COG6: variants seen among roughly 807,000 people sequenced by gnomAD.
The protein encoded by COG6 is component of oligomeric golgi complex 6.
Under a neutral mutation model 88.8 loss-of-function variants are expected in COG6, and 74 were observed. The ratio of observed to expected loss-of-function variants is 0.83; its 90% CI spans 0.69 to 1.01. The LOEUF (loss-of-function observed/expected upper bound fraction) is 1.01, where lower values mean the gene tolerates loss of function less well. Among genes scored for constraint, COG6 ranks in the 50% least tolerant of loss-of-function variants. The pLI is 0.00. For missense variants in COG6, 800 were observed against 797.9 expected (o/e 1.00, Z -0.03); for synonymous variants, 286 against 278.7 (o/e 1.03, Z -0.26).
chr13:39,675,760 C>CA (rs1875931526), intron 4 of COG6, among the ~76,000 whole-genome samples: 2 of 151,810 alleles, frequency 1.3e-5, no homozygotes, highest in South Asian at 4.1e-4. Context: ...AAGATAGATC[C>CA]AAAAAAGCTC....
chr13:39,752,750 C>G, downstream of COG6: 1 of 891,638 alleles, frequency 1.1e-6, no homozygotes, highest in South Asian at 2.7e-5. Context: ...CAGTGAAAGA[C>G]TCACAGGAAA....
At chr13:39,774,667 C>T (rs547341308) in intron 18 of COG6, among the ~76,000 whole-genome samples, 12 of 152,014 alleles carry the variant, frequency 7.9e-5, no homozygotes, top group South Asian at 6.2e-4. Context: ...CTCCACCTCC[C>T]GGGTTCAAGC....
chr13:39,734,730 T>G (rs191638817), intron 18 of COG6, among the ~76,000 whole-genome samples: 4 of 152,308 alleles, frequency 2.6e-5, no homozygotes, highest in Admixed American at 2.6e-4. Flanking sequence ...TTTTGGAGTC[T>G]GTCTCTCTCA....
intron 18 of COG6, among the ~76,000 whole-genome samples, chr13:39,762,486 A>G (rs1881047702): frequency 6.6e-6 from 1 of 151,864 alleles, no homozygotes; most frequent in African/African-American, 2.4e-5. Context: ...ACAACAATCT[A>G]TTGTATATTT....
At chr13:39,709,648 G>T (rs745791730) in intron 13 of COG6, among the ~76,000 whole-genome samples, 1 of 152,176 alleles carries the variant, frequency 6.6e-6, no homozygotes, top group Middle Eastern at 3.4e-3. Context: ...ATTCCATGGT[G>T]TGAGTGTATG....
chr13:39,723,498 T>C (rs1474578342), intron 16 of COG6, 58 bp downstream of exon 16: 5 of 977,960 alleles, frequency 5.1e-6, no homozygotes, highest in African/African-American at 1.6e-5. Context: ...GAGTATGTCT[T>C]CTAGAGCTGC....
intron 13 of COG6, among the ~76,000 whole-genome samples, chr13:39,709,458 C>A (rs1878118152): frequency 7.8e-6 from 1 of 128,054 alleles, no homozygotes; most frequent in Non-Finnish European, 1.6e-5. Context: ...ACCCTCCCAA[C>A]CTGTCTGAGT....
At chr13:39,662,975 T>A (rs913636151) in intron 3 of COG6, among the ~76,000 whole-genome samples, 3 of 151,982 alleles carry the variant, frequency 2.0e-5, no homozygotes, top group Admixed American at 6.6e-5. Flanking sequence ...TTTTCTGAAA[T>A]GCTTTGACTA....
At chr13:39,729,684 C>A (rs1429412166) in intron 18 of COG6, among the ~76,000 whole-genome samples, 1 of 152,132 alleles carries the variant, frequency 6.6e-6, no homozygotes, top group African/African-American at 2.4e-5. Context: ...TTCTGTCTAT[C>A]AGACTGCTGA....
At chr13:39,780,480 A>G (rs1881597626) in intron 18 of COG6, among the ~76,000 whole-genome samples, 1 of 152,228 alleles carries the variant, frequency 6.6e-6, no homozygotes, top group Admixed American at 6.5e-5. Flanking sequence ...TTATTAATAC[A>G]AGAAGTAAAA....
chr13:39,717,860 C>CA (rs1333492868), intron 13 of COG6, among the ~76,000 whole-genome samples: 1 of 151,932 alleles, frequency 6.6e-6, no homozygotes, highest in Non-Finnish European at 1.5e-5. Context: ...CTGTCAAAAA[C>CA]AAAAAACAAA....
rs768040037 is a variant in COG6, at chr13:39,694,679, T to A, written c.1120T>A (p.Leu374Ile). Reference protein sequence around the residue: ...VIVAEPGAVLLYKISNLLKFY... With the variant: ...VIVAEPGAVLIYKISNLLKFY... The stretch of plus-strand genomic sequence containing the variant: ...AGTTGCTGAACCTGGGGCAGTTTTA[T>A]TATATAAAATTTCTAATCTCCTCAA... Residue 374 changes from leucine to isoleucine, a missense_variant, in exon 12 of 19, where the codon TTA (leucine) becomes ATA (isoleucine). By Grantham distance (5) the Leu-to-Ile change is conservative. Coordinates refer to ENST00000455146, the MANE Select transcript of COG6 (RefSeq NM_020751.3). 5.0e-6 allele frequency: 8 copies of A among 1,601,662 alleles called. No homozygotes were observed. The East Asian group carries it at 1.3e-4, about 27-fold the overall frequency.
chr13:39,674,851 C>T (rs1158866057), intron 4 of COG6, among the ~76,000 whole-genome samples: 3 of 152,010 alleles, frequency 2.0e-5, no homozygotes, highest in Non-Finnish European at 4.4e-5. Context: ...AAAAACAGTA[C>T]GTGTAGGATT....
Position 39,682,210 on chromosome 13 carries a change from C to T in COG6, c.734C>T (p.Ser245Phe), listed in dbSNP as rs766555956. 1 of 1,612,520 alleles carries T rather than the reference C, an allele frequency of 6.2e-7. No individual in the cohort carries two copies. Among genetic ancestry groups the T allele is most frequent in the Admixed American group, 1.7e-5 (1 of 59,980 alleles). The change falls in exon 8 of 19, where the codon TCT (serine) becomes TTT (phenylalanine). Residue 245 changes from serine (S) to phenylalanine (F), a missense_variant. Ser to Phe is a radical substitution (Grantham distance 155). Coordinates refer to ENST00000455146, the MANE Select transcript of COG6 (RefSeq NM_020751.3). ...RTLTQESCDV[S>F]PVLTQAMEAL... is the part of the protein sequence containing the mutation. The stretch of plus-strand genomic sequence containing the variant: ...TTGACACAAGAATCATGTGACGTAT[C>T]TCCAGTATTGACACAGGCAATGGAA...
At chr13:39,706,255 T>TATATATA (rs1555278573) in intron 13 of COG6, among the ~76,000 whole-genome samples, 1 of 114,672 alleles carries the variant, frequency 8.7e-6, no homozygotes, top group East Asian at 2.5e-4. Context: ...ATATACTCCT[T>TATATATA]TATATATATA....
intron 18 of COG6, among the ~76,000 whole-genome samples, chr13:39,782,716 C>T (rs1206580343): frequency 6.6e-6 from 1 of 152,160 alleles, no homozygotes; most frequent in Non-Finnish European, 1.5e-5. Context: ...GGCTGCCTCC[C>T]CCCATCACAA....
intron 18 of COG6, among the ~76,000 whole-genome samples, chr13:39,775,979 G>A (rs1881452367): frequency 6.6e-6 from 1 of 152,114 alleles, no homozygotes; most frequent in Non-Finnish European, 1.5e-5. Flanking sequence ...ATGTTGGTCA[G>A]TCTGGTCTCG....
At chr13:39,744,060 A>T (rs1162114145) in intron 18 of COG6, among the ~76,000 whole-genome samples, 1 of 152,234 alleles carries the variant, frequency 6.6e-6, no homozygotes, top group African/African-American at 2.4e-5. Flanking sequence ...ACAGCCCTTC[A>T]TGCTAAAAAC....
intron 1 of COG6, 69 bp downstream of exon 1, chr13:39,655,948 G>A: frequency 3.2e-6 from 5 of 1,540,876 alleles, no homozygotes; most frequent in Non-Finnish European, 4.4e-6. Context: ...GGCGGCGTCT[G>A]TCAGGGACCC....
Sources: gnomAD v4.1 joint callset for allele counts (sites outside exome capture counted in the v4.1 genomes callset) on GRCh38, gnomAD v4.1.1 for gene constraint, MANE v1.5 for transcripts, NCBI Gene and HGNC (gene_info 2026-07-23, HGNC 2026-07-21) for gene names.